PDE8A: variants seen among roughly 807,000 people sequenced by gnomAD.
The protein encoded by PDE8A is phosphodiesterase 8A.
A neutral mutation model predicts 105.0 loss-of-function variants in PDE8A; 59 were observed. That is an observed-to-expected ratio of 0.56 (90% confidence interval 0.46 to 0.70). The LOEUF (loss-of-function observed/expected upper bound fraction) is 0.70, where lower values mean the gene tolerates loss of function less well. Among genes scored for constraint, PDE8A ranks in the 30% least tolerant of loss-of-function variants. The pLI, the probability that PDE8A is intolerant of heterozygous loss-of-function variation, is 0.00. For missense variants in PDE8A, 1,014 were observed against 1,045.9 expected (o/e 0.97, Z 0.42); for synonymous variants, 355 against 371.9 (o/e 0.95, Z 0.52).
intron 8 of PDE8A, among the ~76,000 whole-genome samples, chr15:85,092,920 C>CTTTT (rs5814181): frequency 6.8e-5 from 9 of 132,052 alleles, no homozygotes; most frequent in Non-Finnish European, 6.6e-5. Flanking sequence ...TACTGCTTTC[C>CTTTT]TTTTTTTTTT....
chr15:84,981,813 G>A (rs904374599), upstream of PDE8A, among the ~76,000 whole-genome samples: 4 of 151,158 alleles, frequency 2.6e-5, no homozygotes, highest in African/African-American at 9.7e-5. Context: ...GCCGCTCCTG[G>A]GTAAGGAGAG....
intron 1 of PDE8A, among the ~76,000 whole-genome samples, chr15:85,001,662 G>A (rs1018086092): frequency 2.0e-5 from 3 of 152,180 alleles, no homozygotes; most frequent in African/African-American, 4.8e-5. Flanking sequence ...ACCTGAAGAC[G>A]TCATTACAAA....
chr15:85,047,991 T>A lies in PDE8A; in HGVS notation c.187-16379T>A, dbSNP rs143897182. On this transcript the variant is annotated intron_variant, in intron 1 of 21. Transcript: ENST00000394553. Reference sequence around the variant, plus strand: ...CAAACTTAATGATTTGAAAGCTTAGTGTACTTATTTTGTGACAAAAAGGTT... The same window carrying A: ...CAAACTTAATGATTTGAAAGCTTAGAGTACTTATTTTGTGACAAAAAGGTT... Among the ~76,000 whole-genome samples, 3 of 152,354 alleles carry A rather than the reference T, an allele frequency of 2.0e-5. No individual in the cohort carries two copies. The East Asian group carries it at 5.8e-4, about 29-fold the overall frequency.
rs572340590 is a variant in PDE8A at position 85,089,478 on chromosome 15, A to G, written c.714+62A>G. 36 of 868,608 alleles carry G rather than the reference A, an allele frequency of 4.1e-5. No individual in the cohort carries two copies. The African/African-American group carries it at 5.3e-4, about 13-fold the overall frequency. 53.8% of individuals were successfully genotyped at this position (868,608 alleles called of 1,614,324 possible). On this transcript the variant is annotated intron_variant, in intron 7 of 21. Coordinates refer to ENST00000394553, the MANE Select transcript of PDE8A (RefSeq NM_002605.3). ...TGTTTTGCTTTTTCCAACTTTTAGG[A>G]TTGAACCTCTCCAATATGATTTTTT...
chr15:85,090,915 G>C (rs572561394), intron 7 of PDE8A, 129 bp from the exon 8 acceptor site: 31 of 733,096 alleles, frequency 4.2e-5, no homozygotes, highest in African/African-American at 3.5e-4. Context: ...CAACTGCCAC[G>C]GTGAGGTCCA....
At chr15:85,065,891 T>C (rs531081525) in intron 2 of PDE8A, among the ~76,000 whole-genome samples, 39 of 152,356 alleles carry the variant, frequency 2.6e-4, no homozygotes, top group South Asian at 4.1e-4. Flanking sequence ...ACTGACGTGA[T>C]TGGGGCAGCC....
At chr15:84,989,357 T>A (rs539265214) in intron 1 of PDE8A, among the ~76,000 whole-genome samples, 108 of 152,366 alleles carry the variant, frequency 7.1e-4, no homozygotes, top group African/African-American at 2.6e-3. Flanking sequence ...CTGTTTTGAA[T>A]TCATCCTCTT....
At chr15:85,122,884 C>T (rs1218167143) in intron 18 of PDE8A, among the ~76,000 whole-genome samples, 177 bp from the exon 19 acceptor site, 1 of 152,176 alleles carries the variant, frequency 6.6e-6, no homozygotes, top group African/African-American at 2.4e-5. Flanking sequence ...TCCTTGCTAA[C>T]GATCTAGGCA....
chr15:85,076,019 C>G, intron 4 of PDE8A, 101 bp downstream of exon 4: 2 of 619,810 alleles, frequency 3.2e-6, no homozygotes, highest in Admixed American at 5.6e-5. Flanking sequence ...CAGGCATGCC[C>G]CTTTGTAGTG....
At chr15:85,116,618 G>A (rs763955650) in intron 16 of PDE8A, among the ~76,000 whole-genome samples, 1 of 152,172 alleles carries the variant, frequency 6.6e-6, no homozygotes, top group Non-Finnish European at 1.5e-5. Context: ...TTTCCCTTGC[G>A]GGAGAAGAGC....
chr15:84,998,556 C>T (rs1262263415), intron 1 of PDE8A, among the ~76,000 whole-genome samples: 2 of 152,184 alleles, frequency 1.3e-5, no homozygotes, highest in African/African-American at 2.4e-5. Context: ...TTTTTCATCT[C>T]AGTTTGTAAC....
At chr15:85,106,730 T>C (rs1357681804) in intron 11 of PDE8A, among the ~76,000 whole-genome samples, 1 of 152,194 alleles carries the variant, frequency 6.6e-6, no homozygotes, top group Admixed American at 6.5e-5. Flanking sequence ...ATGCAGTACA[T>C]TCATGGGAAA....
At chr15:85,073,280 T>A (rs1288485504) in intron 3 of PDE8A, among the ~76,000 whole-genome samples, 1 of 152,250 alleles carries the variant, frequency 6.6e-6, no homozygotes, top group Non-Finnish European at 1.5e-5. Context: ...TTCCTAGTTT[T>A]CATGAATTCC....
chr15:85,017,675 T>C (rs1596446796), intron 1 of PDE8A, among the ~76,000 whole-genome samples: 1 of 151,930 alleles, frequency 6.6e-6, no homozygotes, highest in Admixed American at 6.6e-5. Context: ...TTACTTGAGG[T>C]CAGGAGTTCA....
At chr15:85,137,704 TC>T in intron 21 of PDE8A, 92 bp from the exon 22 acceptor site, 1 of 796,670 alleles carries the variant, frequency 1.3e-6, no homozygotes, top group South Asian at 1.5e-5. Context: ...AGATGCCTGC[TC>T]CCATCTGTCA....
intron 1 of PDE8A, among the ~76,000 whole-genome samples, chr15:85,028,780 G>A (rs2080562079): frequency 6.8e-6 from 1 of 147,398 alleles, no homozygotes; most frequent in Non-Finnish European, 1.5e-5. Flanking sequence ...GCACAATGAA[G>A]ACTTCCCATC....
At chr15:85,053,801 C>T (rs1221952566) in intron 1 of PDE8A, among the ~76,000 whole-genome samples, 1 of 151,758 alleles carries the variant, frequency 6.6e-6, no homozygotes, top group African/African-American at 2.4e-5. Context: ...TAATTGAATA[C>T]CCTCTATTTC....
chr15:85,108,391 A>T (rs1261712471), intron 11 of PDE8A, among the ~76,000 whole-genome samples: 2 of 152,140 alleles, frequency 1.3e-5, no homozygotes, highest in African/African-American at 2.4e-5. Context: ...TGTCTGTGAA[A>T]TGGGGATGCA....
intron 1 of PDE8A, among the ~76,000 whole-genome samples, chr15:85,019,677 T>G (rs1242281593): frequency 6.6e-6 from 1 of 152,128 alleles, no homozygotes; most frequent in Non-Finnish European, 1.5e-5. Context: ...CCTCCCAGGT[T>G]CAAGTGATCC....
Sources: allele counts gnomAD v4.1 joint callset (sites outside exome capture counted in the v4.1 genomes callset), GRCh38; gene constraint gnomAD v4.1.1; transcripts MANE v1.5; gene names NCBI Gene and HGNC (gene_info 2026-07-23, HGNC 2026-07-21).